SAMD8: variants seen among roughly 807,000 people sequenced by gnomAD.
SAMD8 encodes the protein sterile alpha motif domain containing 8.
In SAMD8, 20 loss-of-function variants were observed where a neutral mutation model predicts 42.0. The ratio of observed to expected loss-of-function variants is 0.48; its 90% CI spans 0.34 to 0.69. The LOEUF (loss-of-function observed/expected upper bound fraction) is 0.69, where lower values mean the gene tolerates loss of function less well. Ranked by LOEUF, SAMD8 falls within the 30% of genes least tolerant of loss-of-function variation. The pLI is 0.01. For missense variants in SAMD8, 328 were observed against 511.6 expected, an observed-to-expected ratio of 0.64 and a Z score of 3.46; for synonymous variants, 162 against 173.0, an observed-to-expected ratio of 0.94 and a Z score of 0.50.
intron 1 of SAMD8, among the ~76,000 whole-genome samples, chr10:75,135,608 G>A (rs1380512594): frequency 5.9e-5 from 9 of 151,962 alleles, no homozygotes; most frequent in African/African-American, 2.2e-4. Context: ...GGTGGATCAC[G>A]AGGTCAGGAG....
At chr10:75,118,315 C>T (rs764145865) in intron 1 of SAMD8, among the ~76,000 whole-genome samples, 5 of 152,162 alleles carry the variant, frequency 3.3e-5, no homozygotes, top group African/African-American at 4.8e-5. Flanking sequence ...CAGATTTTAT[C>T]GATGTTTTGG....
In SAMD8 at chr10:75,143,966, C is replaced by CT. The variant is rs536028273; in HGVS notation, c.-15-6530dup. On this transcript the variant is annotated intron_variant, in intron 1 of 5. Transcript: ENST00000542569. ...TATACAACCAAATTTATAATTTAAACTTTTTTTTTTTTTTTTTTGGAGTTG... is the reference window on the plus strand; with the variant it reads ...TATACAACCAAATTTATAATTTAAACTTTTTTTTTTTTTTTTTTTGGAGTTG... Among the ~76,000 whole-genome samples the CT allele has an allele frequency of 9.5e-3, 1,282 of 134,968 alleles. 11 individuals carry two copies. The highest frequency in any genetic ancestry group is 0.037 in the South Asian group (156 of 4,234). 88.5% of individuals were successfully genotyped at this position (134,968 alleles called of 152,430 possible).
chr10:75,159,236 T>G (rs1271446209), intron 2 of SAMD8, among the ~76,000 whole-genome samples: 2 of 151,822 alleles, frequency 1.3e-5, no homozygotes, highest in Non-Finnish European at 2.9e-5. Flanking sequence ...TTTTGTATTT[T>G]TAGTAGAGAC....
chr10:75,176,915 C>G lies in SAMD8; in HGVS notation c.*223C>G. ...AAGCTTAAGTAGATGTTTTCTGCCC[C>G]TTCTCTTTAGGAAGACTTAATGTTG... On this transcript the variant is annotated 3_prime_UTR_variant, in exon 6 of 6. Transcript: ENST00000542569. The surrounding 1 kb of genome is among the most constrained non-coding windows in gnomAD (Gnocchi z 4.3). The G allele has an allele frequency of 2.1e-6, 1 of 469,002 alleles. No homozygotes were observed. Among genetic ancestry groups the G allele is most frequent in the South Asian group, 3.4e-5 (1 of 29,570 alleles). 29.1% of individuals were successfully genotyped at this position (469,002 alleles called of 1,614,324 possible).
At chr10:75,163,545 C>T (rs1840607469) in intron 2 of SAMD8, among the ~76,000 whole-genome samples, 1 of 152,142 alleles carries the variant, frequency 6.6e-6, no homozygotes, top group Admixed American at 6.6e-5. Flanking sequence ...GCCATCCTCC[C>T]ACCTCAGCCT....
chr10:75,108,986 C>A, upstream of SAMD8: 1 of 1,583,708 alleles, frequency 6.3e-7, no homozygotes, highest in South Asian at 1.2e-5. Context: ...CACCCCCATG[C>A]CCCTTGGCCA....
chr10:75,163,432 C>G (rs1043877741), intron 2 of SAMD8, among the ~76,000 whole-genome samples: 3 of 151,668 alleles, frequency 2.0e-5, no homozygotes, highest in South Asian at 2.1e-4. Context: ...TCTTTCTTCC[C>G]TCTTTCTTTT....
intron 2 of SAMD8, among the ~76,000 whole-genome samples, chr10:75,158,333 C>T (rs1290074124): frequency 3.3e-5 from 5 of 150,058 alleles, no homozygotes; most frequent in Admixed American, 1.3e-4. Context: ...GGCTCATGCC[C>T]GTAATCCCAG....
At chr10:75,141,488 T>C (rs1840013299) in intron 1 of SAMD8, among the ~76,000 whole-genome samples, 1 of 152,100 alleles carries the variant, frequency 6.6e-6, no homozygotes, top group Non-Finnish European at 1.5e-5. Flanking sequence ...ATAATCAAGT[T>C]GTCAGCAAAT....
At chr10:75,164,410 A>G (rs1477470778) in intron 2 of SAMD8, 3 of 467,514 alleles carry the variant, frequency 6.4e-6, no homozygotes, top group South Asian at 1.8e-4. Context: ...TTCCTCTGGT[A>G]TTTGCTGTCA....
intron 1 of SAMD8, among the ~76,000 whole-genome samples, chr10:75,139,730 CTT>C (rs1329086779): frequency 6.6e-6 from 1 of 152,116 alleles, no homozygotes; most frequent in Non-Finnish European, 1.5e-5. Flanking sequence ...TATAGAGAGA[CTT>C]AATTATAAAA....
At chr10:75,156,961 T>A (rs1358240881) in intron 2 of SAMD8, among the ~76,000 whole-genome samples, 1 of 152,148 alleles carries the variant, frequency 6.6e-6, no homozygotes, top group Non-Finnish European at 1.5e-5. Context: ...TATATTGGGT[T>A]ATGAGGAGGA....
In SAMD8 at chr10:75,176,243, C is replaced by T. The variant is rs148645450; in HGVS notation, c.943+27C>T. On this transcript the variant is annotated intron_variant, in intron 5 of 5. Transcript: ENST00000542569. The surrounding 1 kb of genome is among the most constrained non-coding windows in gnomAD (Gnocchi z 4.3). ...TAAGTATCTTTTTAGTGCTTCTATGCGTATTAGGTAACTAGCTGCAGTGAA... is the reference window on the plus strand; with the variant it reads ...TAAGTATCTTTTTAGTGCTTCTATGTGTATTAGGTAACTAGCTGCAGTGAA... 1.5e-5 allele frequency: 24 copies of T among 1,613,962 alleles called. No individual in the cohort carries two copies. The highest frequency in any genetic ancestry group is 3.3e-4 in the Middle Eastern group (2 of 6,062).
intron 3 of SAMD8, among the ~76,000 whole-genome samples, chr10:75,166,170 A>G (rs888047801): frequency 1.3e-5 from 2 of 151,960 alleles, no homozygotes; most frequent in African/African-American, 2.4e-5. Context: ...GAGCAGGGCT[A>G]ACTCACAGGC....
At chr10:75,172,560 C>T (rs373240620) in intron 4 of SAMD8, among the ~76,000 whole-genome samples, 2 of 151,340 alleles carry the variant, frequency 1.3e-5, no homozygotes, top group African/African-American at 4.9e-5. Context: ...TGCGGTGGTG[C>T]GATCTTGGCT....
At chr10:75,109,804 G>A (rs868330938), upstream of SAMD8, among the ~76,000 whole-genome samples, 1 of 103,272 alleles carries the variant, frequency 9.7e-6, no homozygotes. Flanking sequence ...ATGGGGGGAG[G>A]GGGAAGGTGT....
At chr10:75,172,925 T>C (rs1015663206) in intron 4 of SAMD8, among the ~76,000 whole-genome samples, 1 of 152,122 alleles carries the variant, frequency 6.6e-6, no homozygotes, top group Non-Finnish European at 1.5e-5. Context: ...TGAGCCACCA[T>C]ACCTAGCCAG....
intron 1 of SAMD8, among the ~76,000 whole-genome samples, chr10:75,123,405 A>G (rs1231217587): frequency 2.0e-5 from 3 of 152,150 alleles, no homozygotes; most frequent in African/African-American, 7.2e-5. Flanking sequence ...GACTCCTCTG[A>G]CAGCATGTTA....
chr10:75,100,113 G>A (rs1336123626), intron 1 of SAMD8, among the ~76,000 whole-genome samples: 2 of 152,230 alleles, frequency 1.3e-5, no homozygotes, highest in South Asian at 4.2e-4. Context: ...ATGGGGTGAG[G>A]CTGCCCCCTG....
Sources: gnomAD v4.1 joint callset for allele counts (sites outside exome capture counted in the v4.1 genomes callset) on GRCh38, gnomAD v4.1.1 for gene constraint, Gnocchi (gnomAD v3.1) non-coding constraint, MANE v1.5 for transcripts, NCBI Gene and HGNC (gene_info 2026-07-23, HGNC 2026-07-21) for gene names.